Variants in NPM1 observed in about 807,000 individuals in gnomAD.
The protein encoded by NPM1 is nucleophosmin.
In NPM1, 1 loss-of-function variant was observed where a neutral mutation model predicts 44.1. That is an observed-to-expected ratio of 0.02 (90% confidence interval 0.01 to 0.11). The LOEUF (loss-of-function observed/expected upper bound fraction) is 0.11, where lower values mean the gene tolerates loss of function less well. NPM1 is among the 10% of genes least tolerant of loss of function. The pLI, the probability that NPM1 is intolerant of heterozygous loss-of-function variation, is 1.00. For synonymous variants in NPM1, 126 were observed against 111.8 expected (o/e 1.13, Z -0.80); for missense variants, 197 against 347.8 (o/e 0.57, Z 3.45).
chr5:171,388,151 T>G lies in NPM1; in HGVS notation c.58+145T>G, dbSNP rs186725283. The G allele has an allele frequency of 1.6e-5, 12 of 754,982 alleles. No individual in the cohort carries two copies. The Admixed American group carries it at 1.9e-4, about 12-fold the overall frequency. 46.8% of individuals were successfully genotyped at this position (754,982 alleles called of 1,614,324 possible). A position where few individuals can be genotyped will look rare whatever the true frequency, so the allele number is the denominator to read the frequency against. On this transcript the variant is annotated intron_variant, in intron 1 of 10. Transcript: ENST00000296930. ...GCCTGAGCGGGTGGGAAGAGCTGCC[T>G]GAGCCCTGGACCTGGAGGGATTGGA...
chr5:171,407,605 C>T, intron 9 of NPM1, 95 bp from the exon 10 acceptor site: 1 of 743,860 alleles, frequency 1.3e-6, no homozygotes, highest in East Asian at 2.6e-5. Context: ...TAAACTGATC[C>T]ATGTAGTAGC....
chr5:171,407,810 G>C, intron 10 of NPM1, 36 bp downstream of exon 10: 2 of 1,321,572 alleles, frequency 1.5e-6, no homozygotes, highest in Non-Finnish European at 2.2e-6. Flanking sequence ...TTAAATCCAA[G>C]TTTTTTTGTG....
intron 9 of NPM1, chr5:171,407,450 T>A: frequency 2.1e-6 from 1 of 480,320 alleles, no homozygotes; most frequent in Non-Finnish European, 3.6e-6. Context: ...GTAGCTTATA[T>A]TTTATGTTCC....
At chr5:171,388,882 G>C (rs1581235796) in intron 1 of NPM1, among the ~76,000 whole-genome samples, 1 of 152,178 alleles carries the variant, frequency 6.6e-6, no homozygotes, top group African/African-American at 2.4e-5. Context: ...CTTAGTAAAG[G>C]CAATAAGAGA....
At chr5:171,392,486 A>G (rs1770626685) in intron 4 of NPM1, among the ~76,000 whole-genome samples, 1 of 152,092 alleles carries the variant, frequency 6.6e-6, no homozygotes, top group Non-Finnish European at 1.5e-5. Context: ...GTGAGATTAC[A>G]GGCATGAGCC....
At chr5:171,389,862 A>G (rs564768181) in intron 1 of NPM1, among the ~76,000 whole-genome samples, 189 bp from the exon 2 acceptor site, 1 of 152,192 alleles carries the variant, frequency 6.6e-6, no homozygotes, top group African/African-American at 2.4e-5. Context: ...ATGGAATTAT[A>G]GTCTTTTATG....
intron 8 of NPM1, among the ~76,000 whole-genome samples, chr5:171,401,996 G>A (rs745606842): frequency 4.0e-5 from 6 of 151,102 alleles, no homozygotes; most frequent in South Asian, 2.1e-4. Flanking sequence ...TGGGGTGGGC[G>A]CCAGGCATCA....
intron 10 of NPM1, among the ~76,000 whole-genome samples, chr5:171,408,841 AAG>A (rs1771691300): frequency 6.6e-6 from 1 of 152,226 alleles, no homozygotes; most frequent in Non-Finnish European, 1.5e-5. Flanking sequence ...TAAGCAGCAT[AAG>A]AGATGCATTC....
rs587777962 is a variant in NPM1 at position 171,387,948 on chromosome 5, G to A, written c.-1G>A. 2.5e-6 allele frequency: 4 copies of A among 1,611,958 alleles called. No individual in the cohort carries two copies. The highest frequency in any genetic ancestry group is 3.4e-6 in the Non-Finnish European group (4 of 1,179,606). ...CCTACCTAAGTGCGTGCCGCCACCC[G>A]ATGGAAGATTCGATGGACATGGACA... On this transcript the variant is annotated 5_prime_UTR_variant, in exon 1 of 11. Coordinates refer to ENST00000296930, the MANE Select transcript of NPM1 (RefSeq NM_002520.7).
At chr5:171,395,167 G>A (rs1279539812) in intron 6 of NPM1, among the ~76,000 whole-genome samples, 1 of 152,148 alleles carries the variant, frequency 6.6e-6, no homozygotes, top group Non-Finnish European at 1.5e-5. Context: ...GCAACAGAGG[G>A]AGACTCCCAT....
At chr5:171,405,009 C>G (rs986695128) in intron 8 of NPM1, among the ~76,000 whole-genome samples, 7 of 152,172 alleles carry the variant, frequency 4.6e-5, no homozygotes, top group Middle Eastern at 3.4e-3. Context: ...ATGATCATAG[C>G]TCACTACAGC....
chr5:171,398,134 G>A (rs1043635306), intron 6 of NPM1, among the ~76,000 whole-genome samples: 1 of 152,054 alleles, frequency 6.6e-6, no homozygotes, highest in Non-Finnish European at 1.5e-5. Context: ...TCAGACACAA[G>A]ATTTACAGAT....
rs1472276225 is a variant in NPM1 at position 171,406,514 on chromosome 5, C to T, written c.771+1111C>T. ...CATCAACAATCCAGACTGAAGTCTT[C>T]TATTTTAATCTCAATCCCCTTTTCT... On this transcript the variant is annotated intron_variant, in intron 9 of 10. Coordinates refer to ENST00000296930, the MANE Select transcript of NPM1 (RefSeq NM_002520.7). 16 of 1,562,120 alleles carry T rather than the reference C, an allele frequency of 1.0e-5. No homozygotes were observed. In the East Asian group the frequency reaches 2.0e-4, roughly 20 times the overall value.
intron 10 of NPM1, 60 bp downstream of exon 10, chr5:171,407,834 C>A: frequency 2.0e-6 from 2 of 1,022,042 alleles, no homozygotes; most frequent in Non-Finnish European, 3.1e-6. Context: ...TATTATGATT[C>A]TGCCTTTACC....
chr5:171,390,498 T>C (rs1770516483), intron 2 of NPM1, among the ~76,000 whole-genome samples: 1 of 152,250 alleles, frequency 6.6e-6, no homozygotes, highest in Non-Finnish European at 1.5e-5. Context: ...TGCATATTTA[T>C]GCATTTCTTA....
At chr5:171,395,316 T>A (rs1394458986) in intron 6 of NPM1, among the ~76,000 whole-genome samples, 1 of 152,144 alleles carries the variant, frequency 6.6e-6, no homozygotes, top group Non-Finnish European at 1.5e-5. Flanking sequence ...ATTTTTTTTT[T>A]TTCGGCAAGT....
chr5:171,387,779 G>C (rs1770302057), upstream of NPM1: 2 of 659,958 alleles, frequency 3.0e-6, no homozygotes, highest in Non-Finnish European at 5.3e-6. Flanking sequence ...GAGCACGCGC[G>C]CGGAGGCGGG....
intron 2 of NPM1, 87 bp from the exon 3 acceptor site, chr5:171,391,218 G>GTTAT (rs1225008117): frequency 6.9e-7 from 1 of 1,440,552 alleles, no homozygotes; most frequent in Non-Finnish European, 9.5e-7. Flanking sequence ...GTGGTTAAGT[G>GTTAT]ACGCATGGCT....
intron 6 of NPM1, among the ~76,000 whole-genome samples, chr5:171,397,623 A>T (rs548737751): frequency 6.6e-6 from 1 of 151,922 alleles, no homozygotes; most frequent in South Asian, 2.1e-4. Flanking sequence ...TGTCTTTACT[A>T]AGTTGTAAGA....
Sources: gnomAD v4.1 joint callset for allele counts (sites outside exome capture counted in the v4.1 genomes callset) on GRCh38, gnomAD v4.1.1 for gene constraint, MANE v1.5 for transcripts, NCBI Gene and HGNC (gene_info 2026-07-23, HGNC 2026-07-21) for gene names.